The following PARD3 variants were observed in gnomAD, a reference collection of about 807,000 sequenced individuals.
PARD3 encodes the protein partitioning defective 3 homolog.
In PARD3, 75 loss-of-function variants were observed where a neutral mutation model predicts 155.4. The ratio of observed to expected loss-of-function variants is 0.48; its 90% CI spans 0.40 to 0.58. The LOEUF (loss-of-function observed/expected upper bound fraction) is 0.58, where lower values mean the gene tolerates loss of function less well. PARD3 is among the 20% of genes least tolerant of loss of function. PARD3 has a pLI of 0.00. For synonymous variants in PARD3, 576 were observed against 610.5 expected, an observed-to-expected ratio of 0.94 and a Z score of 0.83; for missense variants, 1,642 against 1,721.7, an observed-to-expected ratio of 0.95 and a Z score of 0.82.
chr10:34,529,377 A>G (rs1238643617), intron 2 of PARD3, among the ~76,000 whole-genome samples: 4 of 152,226 alleles, frequency 2.6e-5, no homozygotes, highest in South Asian at 2.1e-4. Context: ...AAAACTAGGG[A>G]AAGAAAAGTA....
At chr10:34,604,547 A>G (rs1379307658) in intron 2 of PARD3, among the ~76,000 whole-genome samples, 1 of 149,930 alleles carries the variant, frequency 6.7e-6, no homozygotes, top group Non-Finnish European at 1.5e-5. Context: ...GTGTAAGTTA[A>G]TATTTAATAA....
intron 2 of PARD3, among the ~76,000 whole-genome samples, chr10:34,690,096 A>C (rs1052974626): frequency 2.1e-4 from 32 of 152,156 alleles, no homozygotes; most frequent in African/African-American, 7.5e-4. Flanking sequence ...GGCACATGCC[A>C]CCACACCCAG....
At chr10:34,369,008 G>A (rs1840287384) in intron 12 of PARD3, among the ~76,000 whole-genome samples, 1 of 147,140 alleles carries the variant, frequency 6.8e-6, no homozygotes, top group Admixed American at 6.6e-5. Flanking sequence ...AACTATATAT[G>A]TAGCTTAGCT....
chr10:34,410,324 TTTC>T (rs1844921670), intron 5 of PARD3, among the ~76,000 whole-genome samples: 1 of 151,974 alleles, frequency 6.6e-6, no homozygotes, highest in African/African-American at 2.4e-5. Flanking sequence ...CATATAGGTT[TTTC>T]TTTTCTTACA....
chr10:34,131,443 C>T lies in PARD3; in HGVS notation c.3540+20G>A. On this transcript the variant is annotated intron_variant, in intron 23 of 24. Coordinates refer to ENST00000374788, the MANE Select transcript of PARD3 (RefSeq NM_001184785.2). ...GGAAGTTGTAGGACCATTCACCGTG[C>T]TGAAGAACCAATTACTTACCCAGGG... The T allele has an allele frequency of 6.2e-7, 1 of 1,613,722 alleles. No homozygotes were observed.
intron 3 of PARD3, among the ~76,000 whole-genome samples, chr10:34,492,341 A>G (rs1042409050): frequency 5.3e-4 from 80 of 152,232 alleles, no homozygotes; most frequent in African/African-American, 1.5e-3. Flanking sequence ...TAAACCACAC[A>G]CTTCAAAACA....
At chr10:34,474,638 G>A (rs2078589318) in intron 3 of PARD3, among the ~76,000 whole-genome samples, 1 of 152,194 alleles carries the variant, frequency 6.6e-6, no homozygotes, top group Admixed American at 6.5e-5. Context: ...CGTCACAGAT[G>A]AGTAAGCTGA....
intron 2 of PARD3, among the ~76,000 whole-genome samples, chr10:34,607,504 A>T (rs2496722): frequency 0.35 from 53,683 of 152,026 alleles, 9,781 homozygotes; most frequent in South Asian, 0.43. Context: ...GAATGGATTT[A>T]AAAAAAGGGA....
intron 5 of PARD3, among the ~76,000 whole-genome samples, chr10:34,422,836 T>G (rs2075390488): frequency 6.6e-6 from 1 of 152,160 alleles, no homozygotes; most frequent in African/African-American, 2.4e-5. Context: ...TTGGTGTGAA[T>G]ATAAATTAGT....
chr10:34,489,313 A>G (rs2133300664), intron 3 of PARD3, among the ~76,000 whole-genome samples: 1 of 152,346 alleles, frequency 6.6e-6, no homozygotes, highest in African/African-American at 2.4e-5. Context: ...TGGTGAGGAC[A>G]GGACAAAGCA....
intron 5 of PARD3, among the ~76,000 whole-genome samples, chr10:34,421,182 A>T (rs2132421715): frequency 6.6e-6 from 1 of 152,252 alleles, no homozygotes; most frequent in Admixed American, 6.5e-5. Context: ...AAAACAAAAC[A>T]AAAATGAAAT....
chr10:34,766,000 C>T (rs1233415301), intron 1 of PARD3, among the ~76,000 whole-genome samples: 1 of 152,164 alleles, frequency 6.6e-6, no homozygotes, highest in Non-Finnish European at 1.5e-5. Context: ...GACAGCCTAC[C>T]TACAGTCTGT....
chr10:34,397,726 C>T (rs527396153), intron 7 of PARD3, among the ~76,000 whole-genome samples: 5 of 152,206 alleles, frequency 3.3e-5, no homozygotes, highest in East Asian at 3.9e-4. Context: ...ACACAATAAA[C>T]GACAGAAAAT....
intron 1 of PARD3, among the ~76,000 whole-genome samples, chr10:34,759,354 A>G (rs551265197): frequency 2.0e-5 from 3 of 152,342 alleles, no homozygotes; most frequent in African/African-American, 7.2e-5. Context: ...TCAATGAGTA[A>G]GCACTTACTA....
chr10:34,125,071 C>CTTTCTTTTTTTTTTT (rs1554790399), intron 23 of PARD3, among the ~76,000 whole-genome samples: 95 of 140,626 alleles, frequency 6.8e-4, no homozygotes, highest in African/African-American at 2.4e-3. Flanking sequence ...CTATTTCTTT[C>CTTTCTTTTTTTTTTT]TTTTTTTTTT....
intron 2 of PARD3, among the ~76,000 whole-genome samples, chr10:34,519,978 C>A (rs1178510920): frequency 6.6e-6 from 1 of 152,118 alleles, no homozygotes; most frequent in Admixed American, 6.6e-5. Flanking sequence ...CACCTAGCAA[C>A]TCAGCTTAGC....
intron 7 of PARD3, among the ~76,000 whole-genome samples, chr10:34,390,506 T>A (rs1842781240): frequency 6.6e-6 from 1 of 152,222 alleles, no homozygotes; most frequent in African/African-American, 2.4e-5. Flanking sequence ...TATATTTTCT[T>A]ATTTAAACCA....
intron 2 of PARD3, among the ~76,000 whole-genome samples, chr10:34,571,010 C>T (rs768670350): frequency 6.6e-6 from 1 of 152,136 alleles, no homozygotes; most frequent in Non-Finnish European, 1.5e-5. Flanking sequence ...CACCTATGGT[C>T]CTATCTACAG....
chr10:34,700,427 T>C (rs1205243024), intron 1 of PARD3, among the ~76,000 whole-genome samples: 1 of 152,228 alleles, frequency 6.6e-6, no homozygotes, highest in East Asian at 1.9e-4. Flanking sequence ...AGTTATGACA[T>C]GTATAATGCA....
Sources: gnomAD v4.1 joint callset for allele counts (sites outside exome capture counted in the v4.1 genomes callset) on GRCh38, gnomAD v4.1.1 for gene constraint, MANE v1.5 for transcripts, NCBI Gene and HGNC (gene_info 2026-07-23, HGNC 2026-07-21) for gene names.